RIC8B: variants seen among roughly 807,000 people sequenced by gnomAD.
RIC8B encodes RIC8 guanine nucleotide exchange factor B, also known as chaperone Ric-8B.
A neutral mutation model predicts 57.5 loss-of-function variants in RIC8B; 16 were observed. The observed-to-expected ratio is 0.28, with a 90% CI of 0.19 to 0.42. The LOEUF (loss-of-function observed/expected upper bound fraction) is 0.42, where lower values mean the gene tolerates loss of function less well. RIC8B is among the 10% of genes least tolerant of loss of function. The pLI is 1.00. For missense variants in RIC8B, 481 were observed against 677.0 expected, an observed-to-expected ratio of 0.71 and a Z score of 3.21; for synonymous variants, 216 against 250.8, an observed-to-expected ratio of 0.86 and a Z score of 1.31.
intron 3 of RIC8B, among the ~76,000 whole-genome samples, chr12:106,821,985 G>A (rs910278125): frequency 3.1e-4 from 46 of 147,802 alleles, no homozygotes; most frequent in African/African-American, 1.1e-3. Flanking sequence ...GGCTGAGGCA[G>A]GACAATGGCG....
At chr12:106,793,649 C>A (rs2044353303) in intron 2 of RIC8B, among the ~76,000 whole-genome samples, 1 of 152,128 alleles carries the variant, frequency 6.6e-6, no homozygotes, top group African/African-American at 2.4e-5. Flanking sequence ...CAATTAGTGT[C>A]ACATAAGAGC....
chr12:106,816,169 AAAG>A (rs2045566621), intron 3 of RIC8B, among the ~76,000 whole-genome samples: 1 of 140,922 alleles, frequency 7.1e-6, no homozygotes, highest in South Asian at 2.3e-4. Context: ...CCTCCTGTAA[AAAG>A]AAAGAGATTT....
intron 9 of RIC8B, chr12:106,873,118 A>G: frequency 3.0e-6 from 3 of 985,420 alleles, no homozygotes; most frequent in Non-Finnish European, 2.4e-6. Flanking sequence ...GATTTAAACT[A>G]TGCCTCAAAG....
At chr12:106,862,621 C>T (rs1486766665) in intron 8 of RIC8B, among the ~76,000 whole-genome samples, 2 of 152,128 alleles carry the variant, frequency 1.3e-5, no homozygotes, top group Non-Finnish European at 2.9e-5. Context: ...TTCCCAAGAT[C>T]TCAGTCTGCT....
intron 2 of RIC8B, among the ~76,000 whole-genome samples, chr12:106,798,326 G>A (rs538391618): frequency 2.2e-4 from 33 of 152,244 alleles, no homozygotes; most frequent in Non-Finnish European, 4.0e-4. Context: ...CTGACCAGAT[G>A]TTTCCACGTT....
At position 106,879,062 on chromosome 12, in the gene RIC8B, C is replaced by T. The variant is rs1950802845; in HGVS notation, c.1572-6842C>T. ...GACAAGAAAGAAGAGCCCTTGAAAA[C>T]AAGGGAATGATTTTTGAGTCGTTAT... On this transcript the variant is annotated intron_variant, in intron 9 of 9. Coordinates refer to ENST00000392837, the MANE Select transcript of RIC8B (RefSeq NM_001330145.2). The surrounding 1 kb of genome is among the most constrained non-coding windows in gnomAD (Gnocchi z 4.9). The T allele has an allele frequency of 1.0e-6, 1 of 985,614 alleles. No individual in the cohort carries two copies. The highest frequency in any genetic ancestry group is 1.2e-6 in the Non-Finnish European group (1 of 829,908). 61.1% of individuals were successfully genotyped at this position (985,614 alleles called of 1,614,324 possible).
At chr12:106,802,228 C>A (rs2044764341) in intron 2 of RIC8B, among the ~76,000 whole-genome samples, 3 of 152,154 alleles carry the variant, frequency 2.0e-5, no homozygotes, top group Admixed American at 2.0e-4. Context: ...CCAAATAAAT[C>A]TTTTAGTAAA....
intron 4 of RIC8B, among the ~76,000 whole-genome samples, chr12:106,834,729 A>ATC: frequency 6.6e-6 from 1 of 152,190 alleles, no homozygotes; most frequent in South Asian, 2.1e-4. Flanking sequence ...CACGCCTGTA[A>ATC]TCCCAGCACT....
At chr12:106,883,681 GCTGT>G (rs1261059765) in intron 9 of RIC8B, among the ~76,000 whole-genome samples, 2 of 150,874 alleles carry the variant, frequency 1.3e-5, no homozygotes, top group African/African-American at 4.9e-5. Context: ...ACTTAATCCA[GCTGT>G]CTGTCTCCTC....
At chr12:106,876,644 A>C (rs1487381341) in intron 9 of RIC8B, among the ~76,000 whole-genome samples, 1 of 152,068 alleles carries the variant, frequency 6.6e-6, no homozygotes, top group Non-Finnish European at 1.5e-5. Context: ...ACGTCATGCT[A>C]CCTTTGTATT....
chr12:106,881,810 A>G (rs536375460), intron 9 of RIC8B, among the ~76,000 whole-genome samples: 1 of 152,272 alleles, frequency 6.6e-6, no homozygotes, highest in South Asian at 2.1e-4. Context: ...AAGATGAGAA[A>G]AGTTAGGATG....
intron 2 of RIC8B, among the ~76,000 whole-genome samples, chr12:106,792,860 T>A (rs1370399266): frequency 6.6e-6 from 1 of 152,196 alleles, no homozygotes; most frequent in Non-Finnish European, 1.5e-5. Flanking sequence ...AGACCTGTTC[T>A]CCCTCTCTTC....
chr12:106,810,291 A>G (rs1266959818), intron 2 of RIC8B, among the ~76,000 whole-genome samples: 1 of 122,202 alleles, frequency 8.2e-6, no homozygotes, highest in Non-Finnish European at 1.6e-5. Flanking sequence ...TACAGCTGGT[A>G]AAAAAAAAAA....
At chr12:106,780,244 G>A (rs2043704974) in intron 1 of RIC8B, among the ~76,000 whole-genome samples, 1 of 152,028 alleles carries the variant, frequency 6.6e-6, no homozygotes, top group South Asian at 2.1e-4. Context: ...GGCCCTGCAG[G>A]CCACCTGGAC....
chr12:106,779,464 T>G (rs2043648069), intron 1 of RIC8B, among the ~76,000 whole-genome samples: 1 of 151,990 alleles, frequency 6.6e-6, no homozygotes, highest in Non-Finnish European at 1.5e-5. Flanking sequence ...ACTCCTGACC[T>G]CAAGTGATCC....
intron 4 of RIC8B, among the ~76,000 whole-genome samples, chr12:106,833,367 T>C (rs1398289973): frequency 2.0e-5 from 3 of 152,106 alleles, no homozygotes; most frequent in Non-Finnish European, 4.4e-5. Flanking sequence ...TTTGGGAGGC[T>C]GAGGTGGGCA....
At chr12:106,861,405 A>G (rs1949927678) in intron 8 of RIC8B, among the ~76,000 whole-genome samples, 1 of 152,090 alleles carries the variant, frequency 6.6e-6, no homozygotes, top group Non-Finnish European at 1.5e-5. Flanking sequence ...AGAAATGATC[A>G]GTTCCCAATT....
chr12:106,852,333 A>C (rs1453012899), intron 7 of RIC8B, among the ~76,000 whole-genome samples: 1 of 152,208 alleles, frequency 6.6e-6, no homozygotes, highest in Non-Finnish European at 1.5e-5. Context: ...ATAAAATCCC[A>C]TCTAAGCAGA....
At chr12:106,815,387 C>A in intron 3 of RIC8B, 83 bp downstream of exon 3, 1 of 1,438,300 alleles carries the variant, frequency 7.0e-7, no homozygotes, top group East Asian at 2.3e-5. Context: ...GAGAAGAATA[C>A]AAGTTGGGAA....
Sources: allele counts gnomAD v4.1 joint callset (sites outside exome capture counted in the v4.1 genomes callset), GRCh38; gene constraint gnomAD v4.1.1; non-coding constraint Gnocchi (gnomAD v3.1); transcripts MANE v1.5; gene names NCBI Gene and HGNC (gene_info 2026-07-23, HGNC 2026-07-21).